ERBIN: variants seen among roughly 807,000 people sequenced by gnomAD.
ERBIN encodes erbb2 interacting protein, also known as densin-180-like protein.
A neutral mutation model predicts 158.4 loss-of-function variants in ERBIN; 60 were observed. The ratio of observed to expected loss-of-function variants is 0.38; its 90% confidence interval spans 0.31 to 0.47. The LOEUF (loss-of-function observed/expected upper bound fraction) is 0.47, where lower values mean the gene tolerates loss of function less well. Ranked by LOEUF, ERBIN falls within the 20% of genes least tolerant of loss-of-function variation. The probability of loss-of-function intolerance (pLI) is 0.99; values close to 1 mark genes in which losing one functional copy is unlikely to be tolerated. For synonymous variants in ERBIN, 594 were observed against 557.2 expected, an observed-to-expected ratio of 1.07 and a Z score of -0.93; for missense variants, 1,610 against 1,648.0, an observed-to-expected ratio of 0.98 and a Z score of 0.40.
At chr5:66,025,684 G>A (rs929720843) in intron 11 of ERBIN, 132 bp downstream of exon 11, 15 of 881,276 alleles carry the variant, frequency 1.7e-5, no homozygotes, top group African/African-American at 1.3e-4. Flanking sequence ...TACAGGTTGA[G>A]TGTGTTTATG....
At chr5:65,985,028 A>T (rs948386622) in intron 1 of ERBIN, among the ~76,000 whole-genome samples, 2 of 152,234 alleles carry the variant, frequency 1.3e-5, no homozygotes, top group African/African-American at 4.8e-5. Context: ...TATGGTATAG[A>T]TGAAATAAGA....
chr5:66,018,931 G>A (rs1421491839), intron 7 of ERBIN, among the ~76,000 whole-genome samples: 3 of 150,716 alleles, frequency 2.0e-5, no homozygotes, highest in Non-Finnish European at 4.4e-5. Flanking sequence ...CAGTGCACCT[G>A]GCCGGTATGT....
At chr5:65,977,846 C>CT (rs1316430513) in intron 1 of ERBIN, among the ~76,000 whole-genome samples, 1 of 152,144 alleles carries the variant, frequency 6.6e-6, no homozygotes, top group Non-Finnish European at 1.5e-5. Context: ...GATCACGCCA[C>CT]TGCACTCCAG....
chr5:66,040,689 TGTGTTTG>T (rs1757838163), intron 15 of ERBIN, among the ~76,000 whole-genome samples: 1 of 151,806 alleles, frequency 6.6e-6, no homozygotes, highest in Non-Finnish European at 1.5e-5. Flanking sequence ...AAAAATATTA[TGTGTTTG>T]GGTTTGGGTT....
intron 2 of ERBIN, among the ~76,000 whole-genome samples, chr5:65,991,777 T>C (rs1751894189): frequency 6.6e-6 from 1 of 152,212 alleles, no homozygotes; most frequent in South Asian, 2.1e-4. Context: ...CCTCAATTAA[T>C]TTGAAATCTG....
Position 65,940,658 on chromosome 5 carries a change from CCCGCCCGGCCAG to C in ERBIN, c.-58+13861_-58+13872del, listed in dbSNP as rs1744847344. ...CGGGAGGGAGGTGGGGGGTCAGCCC[CCCGCCCGGCCAG>C]CCGCCCGGTCCGGGAGGGAGGTGGG... On this transcript the variant is annotated intron_variant, in intron 1 of 25. Transcript: ENST00000284037. Among the ~76,000 whole-genome samples the C allele has an allele frequency of 1.4e-5, 2 of 140,958 alleles. 1 individual carries two copies. Among genetic ancestry groups the C allele is most frequent in the African/African-American group, 5.9e-5 (2 of 34,064 alleles). The allele number at this position is 140,958 out of a possible 152,430, so 92.5% of individuals were successfully genotyped here. A position where few individuals can be genotyped will look rare whatever the true frequency, so the allele number is the denominator to read the frequency against.
At chr5:65,970,851 A>G (rs1749169820) in intron 1 of ERBIN, among the ~76,000 whole-genome samples, 1 of 152,198 alleles carries the variant, frequency 6.6e-6, no homozygotes, top group Non-Finnish European at 1.5e-5. Context: ...AGCTGGGATT[A>G]CAGGTGTGAG....
chr5:65,956,922 T>G (rs1395922215), intron 1 of ERBIN, among the ~76,000 whole-genome samples: 3 of 152,158 alleles, frequency 2.0e-5, no homozygotes, highest in Non-Finnish European at 1.5e-5. Context: ...GTGTTGGGAT[T>G]ACAGGTGTGA....
intron 14 of ERBIN, among the ~76,000 whole-genome samples, chr5:66,031,384 G>T (rs1360429749): frequency 6.6e-6 from 1 of 152,166 alleles, no homozygotes; most frequent in Non-Finnish European, 1.5e-5. Flanking sequence ...GCAATTTAAG[G>T]TGGGAACAAT....
chr5:66,078,291 G>A (rs1470107691), intron 25 of ERBIN, 132 bp from the exon 26 acceptor site: 1 of 635,724 alleles, frequency 1.6e-6, no homozygotes. Context: ...TTTGGGTAGG[G>A]CCTGTGAATC....
At chr5:66,056,325 G>A (rs986115189) in intron 21 of ERBIN, among the ~76,000 whole-genome samples, 1 of 152,172 alleles carries the variant, frequency 6.6e-6, no homozygotes, top group African/African-American at 2.4e-5. Flanking sequence ...GCTTGAGATT[G>A]TGCCTTAAAT....
intron 7 of ERBIN, among the ~76,000 whole-genome samples, chr5:66,015,908 G>A (rs1328132710): frequency 6.6e-6 from 1 of 152,142 alleles, no homozygotes; most frequent in African/African-American, 2.4e-5. Flanking sequence ...GAGTTGTTCT[G>A]TTTACTCAGC....
At chr5:65,968,572 T>C (rs1748914844) in intron 1 of ERBIN, among the ~76,000 whole-genome samples, 1 of 152,216 alleles carries the variant, frequency 6.6e-6, no homozygotes, top group East Asian at 1.9e-4. Context: ...AATTAATTAA[T>C]TTATTTGAGA....
In ERBIN at chr5:65,958,181, G is replaced by T. The variant is rs1178532812; in HGVS notation, c.-57-30454G>T. ...GCTCCTCACATCCCAGACGATGGGC[G>T]GCCAGGCAGAGACGCTCCTCACTTC... On this transcript the variant is annotated intron_variant, in intron 1 of 25. Coordinates refer to ENST00000284037, the MANE Select transcript of ERBIN (RefSeq NM_001253697.2). 2.0e-5 allele frequency among the ~76,000 whole-genome samples: 3 copies of T among 151,866 alleles called. No individual in the cohort carries two copies. In the South Asian group the frequency reaches 6.2e-4, roughly 32 times the overall value.
intron 4 of ERBIN, among the ~76,000 whole-genome samples, chr5:66,002,183 T>C (rs991927330): frequency 6.6e-6 from 1 of 152,202 alleles, no homozygotes; most frequent in African/African-American, 2.4e-5. Context: ...CATGGTGTAT[T>C]ATGTGCCACA....
chr5:65,954,831 C>CGA (rs1019879490), intron 1 of ERBIN, among the ~76,000 whole-genome samples: 11 of 151,574 alleles, frequency 7.3e-5, no homozygotes, highest in African/African-American at 2.4e-4. Context: ...TTTGGGAGGC[C>CGA]GAGGTGGGGG....
intron 7 of ERBIN, among the ~76,000 whole-genome samples, chr5:66,015,996 T>G (rs1754674390): frequency 6.6e-6 from 1 of 152,238 alleles, no homozygotes; most frequent in Non-Finnish European, 1.5e-5. Flanking sequence ...TGTCACTCTC[T>G]TCTTCCCTGA....
chr5:65,951,800 T>A (rs533751197), intron 1 of ERBIN, among the ~76,000 whole-genome samples: 1 of 152,374 alleles, frequency 6.6e-6, no homozygotes, highest in South Asian at 2.1e-4. Context: ...ATTTAAATTT[T>A]CATTAATACC....
chr5:66,018,572 T>TTA lies in ERBIN; in HGVS notation c.534-2745_534-2744dup, dbSNP rs1554058890. On this transcript the variant is annotated intron_variant, in intron 7 of 25. Coordinates refer to ENST00000284037, the MANE Select transcript of ERBIN (RefSeq NM_001253697.2). ...TATATATTATATAATATATATTATA[T>TTA]TATATAATATATATTATATAATATA... Among the ~76,000 whole-genome samples, 20 of 29,868 alleles carry TTA rather than the reference T, an allele frequency of 6.7e-4. 7 individuals carry two copies. Among genetic ancestry groups the TTA allele is most frequent in the Non-Finnish European group, 9.6e-4 (18 of 18,746 alleles). 19.6% of individuals were successfully genotyped at this position (29,868 alleles called of 152,430 possible). A position where few individuals can be genotyped will look rare whatever the true frequency, so the allele number is the denominator to read the frequency against.
Sources: allele counts gnomAD v4.1 joint callset (sites outside exome capture counted in the v4.1 genomes callset), GRCh38; gene constraint gnomAD v4.1.1; transcripts MANE v1.5; gene names NCBI Gene and HGNC (gene_info 2026-07-23, HGNC 2026-07-21).